The following HDHD2 variants were observed in gnomAD, a reference collection of about 807,000 sequenced individuals.
HDHD2 encodes the protein haloacid dehalogenase like hydrolase domain containing 2.
In HDHD2, 26 loss-of-function variants were observed where a neutral mutation model predicts 24.8. The ratio of observed to expected loss-of-function variants is 1.05; its 90% CI spans 0.77 to 1.45. The LOEUF is 1.45. Among genes scored for constraint, HDHD2 ranks in the 40% most tolerant of loss-of-function variants. The pLI, the probability that HDHD2 is intolerant of heterozygous loss-of-function variation, is 0.00. For missense variants in HDHD2, 299 were observed against 313.4 expected (o/e 0.95, Z 0.35); for synonymous variants, 128 against 114.9 (o/e 1.11, Z -0.73).
chr18:47,147,990 C>CTTTT (rs11390608), intron 1 of HDHD2, among the ~76,000 whole-genome samples: 27 of 137,996 alleles, frequency 2.0e-4, no homozygotes, highest in East Asian at 1.0e-3. Context: ...TTTTTTCTTT[C>CTTTT]TTTTTTTTTT....
chr18:47,133,969 T>C (rs983083341), intron 3 of HDHD2, among the ~76,000 whole-genome samples: 1 of 152,252 alleles, frequency 6.6e-6, no homozygotes, highest in African/African-American at 2.4e-5. Flanking sequence ...GTGCAGAAGC[T>C]CTTTAGTTTA....
chr18:47,113,058 A>G lies in HDHD2; in HGVS notation c.613-18T>C, dbSNP rs1262084796. Reference sequence around the variant, plus strand: ...CTGCAATCCTAGAAAAGCATAAAGAAAGCATTTAGTCCAGTGTCTTCAGTA... The same window carrying G: ...CTGCAATCCTAGAAAAGCATAAAGAGAGCATTTAGTCCAGTGTCTTCAGTA... On this transcript the variant is annotated intron_variant, in intron 5 of 6. Transcript: ENST00000300605. 5 of 1,612,178 alleles carry G rather than the reference A, an allele frequency of 3.1e-6. No individual in the cohort carries two copies. The highest frequency in any genetic ancestry group is 4.2e-6 in the Non-Finnish European group (5 of 1,178,328).
At chr18:47,111,602 T>C (rs2063516866) in intron 6 of HDHD2, 1 of 985,282 alleles carries the variant, frequency 1.0e-6, no homozygotes. Flanking sequence ...GGGAAGGTGA[T>C]CATTTTGACT....
At chr18:47,122,268 T>C (rs1439749324) in intron 4 of HDHD2, among the ~76,000 whole-genome samples, 1 of 152,222 alleles carries the variant, frequency 6.6e-6, no homozygotes, top group Non-Finnish European at 1.5e-5. Flanking sequence ...AAATAAATAA[T>C]GGCGAGTCAC....
At chr18:47,127,212 T>A (rs1023596032) in intron 4 of HDHD2, among the ~76,000 whole-genome samples, 1 of 152,074 alleles carries the variant, frequency 6.6e-6, no homozygotes, top group Non-Finnish European at 1.5e-5. Context: ...GCAAAGCAAT[T>A]CATTGTGCTT....
At chr18:47,136,804 G>A (rs1042248644) in intron 1 of HDHD2, among the ~76,000 whole-genome samples, 3 of 152,142 alleles carry the variant, frequency 2.0e-5, no homozygotes, top group African/African-American at 7.2e-5. Flanking sequence ...CAAAGAATGG[G>A]TGGATGAAAG....
rs192706773 is a variant in HDHD2, at chr18:47,134,653, C to G, written c.153G>C (p.Glu51Asp). ...ACCTTTCTAACAGGTCTTGCTTGCTCTCTTTGGTTGTATTGGTCACAAACC... is the reference window on the plus strand; with the variant it reads ...ACCTTTCTAACAGGTCTTGCTTGCTGTCTTTGGTTGTATTGGTCACAAACC... ...IIRFVTNTTK[E>D]SKQDLLERLR... is the part of the protein sequence containing the mutation. Residue 51 changes from glutamate to aspartate, a missense_variant, in exon 3 of 7, where the codon GAG becomes GAC. By Grantham distance (45) the Glu-to-Asp change is conservative. Coordinates refer to ENST00000300605, the MANE Select transcript of HDHD2 (RefSeq NM_032124.5). 6.2e-6 allele frequency: 10 copies of G among 1,614,060 alleles called. No individual in the cohort carries two copies. In the East Asian group the frequency reaches 1.8e-4, roughly 29 times the overall value.
intron 1 of HDHD2, among the ~76,000 whole-genome samples, chr18:47,145,928 G>T (rs56395942): frequency 0.08 from 12,193 of 152,182 alleles, 566 homozygotes; most frequent in East Asian, 0.13. Context: ...TCTTAACGTA[G>T]CCTTTACAAA....
intron 1 of HDHD2, 103 bp from the exon 2 acceptor site, chr18:47,136,552 C>T: frequency 1.1e-6 from 1 of 919,378 alleles, no homozygotes; most frequent in Non-Finnish European, 1.6e-6. Flanking sequence ...AAAGATCCTG[C>T]TTAGTGTTAA....
At chr18:47,137,230 C>T (rs1897714445) in intron 1 of HDHD2, 2 of 608,636 alleles carry the variant, frequency 3.3e-6, no homozygotes, top group South Asian at 1.5e-5. Flanking sequence ...CTGAAACAGA[C>T]ATACCTGCAC....
intron 1 of HDHD2, among the ~76,000 whole-genome samples, chr18:47,148,465 C>T (rs567551542): frequency 2.0e-5 from 3 of 152,288 alleles, no homozygotes; most frequent in Admixed American, 2.0e-4. Flanking sequence ...CATGGGACAC[C>T]CCTTAGAAGA....
chr18:47,123,590 A>G (rs935989870), intron 4 of HDHD2, among the ~76,000 whole-genome samples: 1 of 152,180 alleles, frequency 6.6e-6, no homozygotes, highest in Non-Finnish European at 1.5e-5. Context: ...TCTGTCTCAG[A>G]AAAACAAAAA....
At chr18:47,108,850 T>G (rs2063493703) in intron 6 of HDHD2, 65 bp from the exon 7 acceptor site, 3 of 933,312 alleles carry the variant, frequency 3.2e-6, no homozygotes, top group Non-Finnish European at 5.3e-6. Context: ...TCATACCCCA[T>G]GAGCACCTGG....
Position 47,130,377 on chromosome 18 carries a change from T to C in HDHD2, c.311-49A>G, listed in dbSNP as rs1323925572. The C allele has an allele frequency of 6.3e-6, 8 of 1,274,600 alleles. No individual in the cohort carries two copies. The African/African-American group carries it at 1.2e-4, about 19-fold the overall frequency. The allele number at this position is 1,274,600 out of a possible 1,614,324, so 79.0% of individuals were successfully genotyped here. A position where few individuals can be genotyped will look rare whatever the true frequency, so the allele number is the denominator to read the frequency against. ...TTGTTGCAAATGCAATTAAAAGCAA[T>C]GTCACATTTTAAAAAAGTAGTCTTA... is the stretch of plus-strand genomic sequence containing the variant. On this transcript the variant is annotated intron_variant, in intron 3 of 6. Transcript: ENST00000300605.
At chr18:47,124,194 A>G (rs2063634354) in intron 4 of HDHD2, among the ~76,000 whole-genome samples, 1 of 152,246 alleles carries the variant, frequency 6.6e-6, no homozygotes, top group South Asian at 2.1e-4. Flanking sequence ...TAAAAGTAAA[A>G]CAATAAAGCT....
chr18:47,110,730 A>G, intron 6 of HDHD2: 1 of 985,404 alleles, frequency 1.0e-6, no homozygotes, highest in Non-Finnish European at 1.2e-6. Flanking sequence ...CTGTGCTTTC[A>G]TGGATGGATA....
At chr18:47,131,458 T>C (rs2063712734) in intron 3 of HDHD2, among the ~76,000 whole-genome samples, 1 of 152,212 alleles carries the variant, frequency 6.6e-6, no homozygotes, top group African/African-American at 2.4e-5. Context: ...ACTCATACCA[T>C]GCCTGTCCAG....
chr18:47,122,339 C>T (rs935083666), intron 4 of HDHD2, among the ~76,000 whole-genome samples: 1 of 152,118 alleles, frequency 6.6e-6, no homozygotes, highest in Non-Finnish European at 1.5e-5. Flanking sequence ...CTTTTCAGCA[C>T]TATTTTAGGC....
At chr18:47,141,687 G>A (rs2063821149) in intron 1 of HDHD2, among the ~76,000 whole-genome samples, 1 of 152,194 alleles carries the variant, frequency 6.6e-6, no homozygotes, top group African/African-American at 2.4e-5. Context: ...GCCATTGAGA[G>A]CTCTCTCAGG....
Sources: allele counts gnomAD v4.1 joint callset (sites outside exome capture counted in the v4.1 genomes callset), GRCh38; gene constraint gnomAD v4.1.1; transcripts MANE v1.5; gene names NCBI Gene and HGNC (gene_info 2026-07-23, HGNC 2026-07-21).